CACNA1B: variants seen among roughly 807,000 people sequenced by gnomAD.
The protein encoded by CACNA1B is calcium voltage-gated channel subunit alpha1 B, also known as voltage-dependent N-type calcium channel subunit alpha-1B.
CACNA1B carries 70 observed loss-of-function variants against 247.2 expected under a neutral mutation model. That is an observed-to-expected ratio of 0.28 (90% CI 0.23 to 0.35). CACNA1B has a LOEUF of 0.35. Ranked by LOEUF, CACNA1B falls within the 10% of genes least tolerant of loss-of-function variation. The pLI is 1.00. For missense variants in CACNA1B, 2,367 were observed against 3,197.4 expected, an observed-to-expected ratio of 0.74 and a Z score of 6.26; for synonymous variants, 1,231 against 1,294.4, an observed-to-expected ratio of 0.95 and a Z score of 1.05.
chr9:138,053,661 C>T (rs1357173106), intron 25 of CACNA1B, among the ~76,000 whole-genome samples, 185 bp from the exon 26 acceptor site: 2 of 142,346 alleles, frequency 1.4e-5, no homozygotes, highest in Non-Finnish European at 3.1e-5. Flanking sequence ...GCCCCACCCT[C>T]CCACCATGGC....
intron 10 of CACNA1B, among the ~76,000 whole-genome samples, chr9:137,965,604 TA>T (rs1217147115): frequency 6.6e-6 from 1 of 151,890 alleles, no homozygotes; most frequent in African/African-American, 2.4e-5. Context: ...TTTATTTATT[TA>T]TTTATTTATT....
chr9:137,949,388 G>T (rs1957851499), intron 6 of CACNA1B, among the ~76,000 whole-genome samples: 8 of 151,074 alleles, frequency 5.3e-5, no homozygotes, highest in Admixed American at 5.3e-4. Flanking sequence ...CATGTGTGTG[G>T]TGTGTGCGCT....
chr9:138,105,286 GGGA>G (rs1961382826), intron 38 of CACNA1B, among the ~76,000 whole-genome samples: 2 of 152,192 alleles, frequency 1.3e-5, no homozygotes, highest in South Asian at 2.1e-4. Context: ...TCGAAGTGGT[GGGA>G]GGAGAAGATG....
In CACNA1B at chr9:138,047,050, G is replaced by T; in HGVS notation, c.3543+17G>T. ...AGGAACAACGTGAGTGGCCCGGATGGCCGGGTCCCCGCCAGGCTGTGGCGG... is the reference window on the plus strand; with the variant it reads ...AGGAACAACGTGAGTGGCCCGGATGTCCGGGTCCCCGCCAGGCTGTGGCGG... On this transcript the variant is annotated intron_variant, in intron 22 of 46. Coordinates refer to ENST00000371372, the MANE Select transcript of CACNA1B (RefSeq NM_000718.4). 1 of 1,597,066 alleles carries T rather than the reference G, an allele frequency of 6.3e-7. No individual in the cohort carries two copies. The highest frequency in any genetic ancestry group is 1.7e-5 in the Admixed American group (1 of 58,844).
chr9:137,898,991 A>T (rs1039328424), intron 3 of CACNA1B, among the ~76,000 whole-genome samples: 2 of 151,840 alleles, frequency 1.3e-5, no homozygotes, highest in Non-Finnish European at 2.9e-5. Flanking sequence ...AGGCTGGTTT[A>T]AAACTCCTGG....
chr9:138,049,383 G>A (rs914155555), intron 24 of CACNA1B, 68 bp downstream of exon 24: 11 of 1,028,182 alleles, frequency 1.1e-5, no homozygotes, highest in Non-Finnish European at 1.7e-5. Flanking sequence ...GAGGGTGAGG[G>A]AATAAGGAAG....
intron 3 of CACNA1B, among the ~76,000 whole-genome samples, chr9:137,884,642 T>A (rs1359023824): frequency 6.6e-6 from 1 of 150,726 alleles, no homozygotes; most frequent in Admixed American, 6.6e-5. Context: ...GCAGTGTGCC[T>A]CTGCTGAAGT....
rs190785156 is a variant in CACNA1B at position 138,006,678 on chromosome 9, C to A, written c.1975-89C>A. 568 of 729,092 alleles carry A rather than the reference C, an allele frequency of 7.8e-4. 2 individuals carry two copies. The African/African-American group carries it at 8.3e-3, about 11-fold the overall frequency. The allele number at this position is 729,092 out of a possible 1,614,324, so 45.2% of individuals were successfully genotyped here. On this transcript the variant is annotated intron_variant, in intron 15 of 46. Coordinates refer to ENST00000371372, the MANE Select transcript of CACNA1B (RefSeq NM_000718.4). ...GACGTGGCAGTGCGCGTGGACGTGG[C>A]GGTGCACATGCACTCATGTGGGTGG...
Position 138,102,481 on chromosome 9 carries a change from G to A in CACNA1B, c.5223-230G>A, listed in dbSNP as rs1042352751. On this transcript the variant is annotated intron_variant, in intron 37 of 46. Transcript: ENST00000371372. The surrounding 1 kb of genome is among the most constrained non-coding windows in gnomAD (Gnocchi z 5.4). Reference sequence around the variant, plus strand: ...GCCCCGCGTGGGGCTGGAGTGAGGAGGTGAGGCTCGGGGGTGGGGGGCCAG... The same window carrying A: ...GCCCCGCGTGGGGCTGGAGTGAGGAAGTGAGGCTCGGGGGTGGGGGGCCAG... Among the ~76,000 whole-genome samples, 31 of 152,104 alleles carry A rather than the reference G, an allele frequency of 2.0e-4. No homozygotes were observed. Among genetic ancestry groups the A allele is most frequent in the Non-Finnish European group, 3.8e-4 (26 of 68,024 alleles).
chr9:138,076,606 G>C (rs1960328908), intron 35 of CACNA1B, among the ~76,000 whole-genome samples: 1 of 152,206 alleles, frequency 6.6e-6, no homozygotes, highest in Non-Finnish European at 1.5e-5. Context: ...ATCAGCTGCT[G>C]TTCCTGGGCG....
chr9:137,974,011 C>A lies in CACNA1B; in HGVS notation c.1544-1896C>A, dbSNP rs1958187956. On this transcript the variant is annotated intron_variant, in intron 11 of 46. Transcript: ENST00000371372. The surrounding 1 kb of genome is among the most constrained non-coding windows in gnomAD (Gnocchi z 4.5). Reference sequence around the variant, plus strand: ...CAGTCCCATCTCTGGGGCCTCTCCTCCCTGGGTCCGAGCCCCTCGTGTGGG... The same window carrying A: ...CAGTCCCATCTCTGGGGCCTCTCCTACCTGGGTCCGAGCCCCTCGTGTGGG... 6.6e-6 allele frequency among the ~76,000 whole-genome samples: 1 copy of A among 152,194 alleles called. No individual in the cohort carries two copies. Among genetic ancestry groups the A allele is most frequent in the African/African-American group, 2.4e-5 (1 of 41,440 alleles).
chr9:137,927,293 G>A (rs1957562597), intron 6 of CACNA1B, among the ~76,000 whole-genome samples: 1 of 150,132 alleles, frequency 6.7e-6, no homozygotes, highest in Admixed American at 6.6e-5. Context: ...GCCCAGGCTG[G>A]AGTGCAATGG....
In CACNA1B at chr9:137,957,798, G is replaced by C. The variant is rs767133060; in HGVS notation, c.1333+111G>C. The C allele has an allele frequency of 1.5e-6, 1 of 668,146 alleles. No individual in the cohort carries two copies. Among genetic ancestry groups the C allele is most frequent in the African/African-American group, 1.9e-5 (1 of 53,938 alleles). 41.4% of individuals were successfully genotyped at this position (668,146 alleles called of 1,614,324 possible). ...GTTGGACGCCCCTTCTTGCCCAAAC[G>C]CCTGCAGGCTCCTTTCAGACAGTTT... On this transcript the variant is annotated intron_variant, in intron 10 of 46. Coordinates refer to ENST00000371372, the MANE Select transcript of CACNA1B (RefSeq NM_000718.4). This position sits in a 1 kb window ranked among gnomAD's most constrained non-coding sequence, Gnocchi z 4.7.
At chr9:138,006,942 A>T (rs888585797) in intron 16 of CACNA1B, 58 bp downstream of exon 16, 12 of 872,334 alleles carry the variant, frequency 1.4e-5, no homozygotes, top group Non-Finnish European at 2.3e-5. Context: ...CCTCTTCTCC[A>T]TGGCCACCAC....
Position 138,020,661 on chromosome 9 carries a change from G to A in CACNA1B, c.2268-2350G>A, listed in dbSNP as rs1958833372. 6.6e-6 allele frequency among the ~76,000 whole-genome samples: 1 copy of A among 152,198 alleles called. No individual in the cohort carries two copies. The highest frequency in any genetic ancestry group is 1.5e-5 in the Non-Finnish European group (1 of 68,030). ...GGAACAGGCCAGGTGGAACCAGTGG[G>A]GCTGCGGGGGGCGGGCAGGTGCCCT... On this transcript the variant is annotated intron_variant, in intron 18 of 46. Coordinates refer to ENST00000371372, the MANE Select transcript of CACNA1B (RefSeq NM_000718.4). The surrounding 1 kb of genome is among the most constrained non-coding windows in gnomAD (Gnocchi z 4.1).
intron 6 of CACNA1B, among the ~76,000 whole-genome samples, chr9:137,923,176 C>T (rs1174592450): frequency 2.7e-5 from 4 of 150,664 alleles, no homozygotes; most frequent in East Asian, 2.0e-4. Flanking sequence ...GGTAGTATTC[C>T]GTGGTGCCAG....
At chr9:138,112,621 G>A in intron 40 of CACNA1B, 116 bp downstream of exon 40, 1 of 695,696 alleles carries the variant, frequency 1.4e-6, no homozygotes, top group Non-Finnish European at 2.6e-6. Context: ...TTGGAGAGGT[G>A]GGCTCACCTC....
Position 137,971,719 on chromosome 9 carries a change from C to A in CACNA1B, c.1543+127C>A. ...CCACCCCCATGTTGCTCAAAGTATC[C>A]CACAGCCCTAGTCAGCCTCCAGGAG... On this transcript the variant is annotated intron_variant, in intron 11 of 46. Transcript: ENST00000371372. The surrounding 1 kb of genome is among the most constrained non-coding windows in gnomAD (Gnocchi z 4.4). 1.3e-6 allele frequency: 1 copy of A among 777,862 alleles called. No individual in the cohort carries two copies. The highest frequency in any genetic ancestry group is 2.1e-6 in the Non-Finnish European group (1 of 477,850). The allele number at this position is 777,862 out of a possible 1,614,324, so 48.2% of individuals were successfully genotyped here.
rs754203811 is a variant in CACNA1B, at chr9:138,121,619, G to A, written c.6640G>A (p.Ala2214Thr). The change falls in exon 47 of 47, where the codon GCC (alanine) becomes ACC (threonine). Residue 2214 changes from alanine (A) to threonine (T), a missense_variant. Coordinates refer to ENST00000371372, the MANE Select transcript of CACNA1B (RefSeq NM_000718.4). The surrounding 1 kb of genome is among the most constrained non-coding windows in gnomAD (Gnocchi z 6.8). ...GGCCAACTCCTCACCCATCCACTTC[G>A]CCGGGGCTCAGACCAGCCTCCCTGC... is the stretch of plus-strand genomic sequence containing the variant. ...KTANSSPIHFAGAQTSLPAFS... is the reference protein window; with the variant it reads ...KTANSSPIHFTGAQTSLPAFS... 11 of 1,612,864 alleles carry A rather than the reference G, an allele frequency of 6.8e-6. No individual in the cohort carries two copies. Among genetic ancestry groups the A allele is most frequent in the South Asian group, 2.2e-5 (2 of 90,978 alleles).
Sources: allele counts gnomAD v4.1 joint callset (sites outside exome capture counted in the v4.1 genomes callset), GRCh38; gene constraint gnomAD v4.1.1; non-coding constraint Gnocchi (gnomAD v3.1); transcripts MANE v1.5; gene names NCBI Gene and HGNC (gene_info 2026-07-23, HGNC 2026-07-21).